SMARCA2: variants seen among roughly 807,000 people sequenced by gnomAD.
SMARCA2 encodes SWI/SNF-related matrix-associated actin-dependent regulator of chromatin subfamily A member 2.
A neutral mutation model predicts 199.8 loss-of-function variants in SMARCA2; 61 were observed. The ratio of observed to expected loss-of-function variants is 0.31; its 90% confidence interval spans 0.25 to 0.38. The LOEUF is 0.38. SMARCA2 is among the 10% of genes least tolerant of loss of function. SMARCA2 has a pLI of 1.00. For synonymous variants in SMARCA2, 935 were observed against 732.0 expected (o/e 1.28, Z -4.48); for missense variants, 1,344 against 2,012.2 (o/e 0.67, Z 6.35).
intron 33 of SMARCA2, chr9:2,192,438 C>T: frequency 2.2e-6 from 1 of 457,182 alleles, no homozygotes; most frequent in South Asian, 2.7e-5. Flanking sequence ...AAATATTAGC[C>T]ATAAACCTTT....
chr9:2,108,152 A>G (rs938165930), intron 23 of SMARCA2, among the ~76,000 whole-genome samples: 1 of 152,202 alleles, frequency 6.6e-6, no homozygotes, highest in East Asian at 1.9e-4. Context: ...TCAAAAGGCC[A>G]TCTCTTGGGC....
At chr9:2,074,453 A>G (rs1175093542) in intron 12 of SMARCA2, among the ~76,000 whole-genome samples, 3 of 152,204 alleles carry the variant, frequency 2.0e-5, no homozygotes, top group African/African-American at 4.8e-5. Flanking sequence ...TCTCAAGACT[A>G]TGGCTGTTTT....
In SMARCA2 at chr9:2,021,582, C is replaced by G. The variant is rs528080802; in HGVS notation, c.-37+6178C>G. Among the ~76,000 whole-genome samples, 34 of 152,304 alleles carry G rather than the reference C, an allele frequency of 2.2e-4. No individual in the cohort carries two copies. The East Asian group carries it at 4.8e-3, about 22-fold the overall frequency. ...AGGAAAGCCCTCTCCCATCTTCCCC[C>G]CTGTGCTTTGTTGAACTGGACATGT... On this transcript the variant is annotated intron_variant, in intron 1 of 33. Transcript: ENST00000349721.
intron 3 of SMARCA2, among the ~76,000 whole-genome samples, chr9:2,034,816 A>T (rs977709534): frequency 6.6e-6 from 1 of 152,192 alleles, no homozygotes; most frequent in Admixed American, 6.5e-5. Context: ...GGTGGCAGGC[A>T]GGCATAATTG....
chr9:2,179,670 G>C (rs1017070770), intron 29 of SMARCA2, among the ~76,000 whole-genome samples: 2 of 152,102 alleles, frequency 1.3e-5, no homozygotes, highest in African/African-American at 2.4e-5. Context: ...TATTTCACCA[G>C]TAGCACAGTT....
intron 19 of SMARCA2, among the ~76,000 whole-genome samples, chr9:2,088,964 G>C (rs55990408): frequency 6.7e-6 from 1 of 148,504 alleles, no homozygotes; most frequent in South Asian, 2.1e-4. Context: ...GTGAATGGAA[G>C]ATTTGGCGTT....
chr9:2,111,768 C>T (rs987650126), intron 24 of SMARCA2, among the ~76,000 whole-genome samples: 5 of 152,130 alleles, frequency 3.3e-5, no homozygotes, highest in African/African-American at 7.2e-5. Flanking sequence ...TTTTCTTATT[C>T]GGTGGAGCTA....
chr9:2,132,509 G>A (rs1824007839), intron 27 of SMARCA2, among the ~76,000 whole-genome samples: 1 of 152,282 alleles, frequency 6.6e-6, no homozygotes, highest in South Asian at 2.1e-4. Flanking sequence ...GTAATATTTG[G>A]CTGCATTTGT....
chr9:2,178,327 G>A (rs1675426598), intron 29 of SMARCA2, among the ~76,000 whole-genome samples: 1 of 152,162 alleles, frequency 6.6e-6, no homozygotes, highest in Non-Finnish European at 1.5e-5. Flanking sequence ...GCCTGAGGTA[G>A]ATCATTACGT....
At position 2,086,031 on chromosome 9, in the gene SMARCA2, G is replaced by A. The variant is rs1384106652; in HGVS notation, c.2527-798G>A. The stretch of plus-strand genomic sequence containing the variant: ...GGACGTTTTACGCAATCGTCATGTT[G>A]GGGAAGTATGCTGTATTTAATTCTG... On this transcript the variant is annotated intron_variant, in intron 17 of 33. Coordinates refer to ENST00000349721, the MANE Select transcript of SMARCA2 (RefSeq NM_003070.5). This position sits in a 1 kb window ranked among gnomAD's most constrained non-coding sequence, Gnocchi z 4.3. 1 of 152,260 alleles carries A rather than the reference G, an allele frequency of 6.6e-6. No individual in the cohort carries two copies. Among genetic ancestry groups the A allele is most frequent in the Non-Finnish European group, 1.5e-5 (1 of 68,082 alleles). 9.4% of individuals were successfully genotyped at this position (152,260 alleles called of 1,614,324 possible). A position where few individuals can be genotyped will look rare whatever the true frequency, so the allele number is the denominator to read the frequency against.
chr9:2,162,034 TTC>T (rs1416372999), intron 28 of SMARCA2, 131 bp downstream of exon 28: 4 of 661,542 alleles, frequency 6.0e-6, no homozygotes, highest in Non-Finnish European at 1.0e-5. Context: ...TTTTATGGCT[TTC>T]TCTCTTTGTA....
intron 29 of SMARCA2, among the ~76,000 whole-genome samples, chr9:2,177,637 C>G (rs1356341170): frequency 6.6e-6 from 1 of 152,108 alleles, no homozygotes; most frequent in Non-Finnish European, 1.5e-5. Context: ...ACCACAACCT[C>G]CGCCTCCTGG....
intron 1 of SMARCA2, among the ~76,000 whole-genome samples, chr9:2,018,542 T>A (rs1217012176): frequency 2.0e-5 from 3 of 152,380 alleles, no homozygotes; most frequent in Non-Finnish European, 4.4e-5. Flanking sequence ...GTTTGTTGAC[T>A]GCACTGAGCG....
At chr9:2,126,794 CTG>C (rs1380084360) in intron 27 of SMARCA2, among the ~76,000 whole-genome samples, 1 of 152,254 alleles carries the variant, frequency 6.6e-6, no homozygotes, top group Non-Finnish European at 1.5e-5. Flanking sequence ...TCTGCAATCT[CTG>C]TGCCAGGAGG....
Position 2,060,866 on chromosome 9 carries a change from G to A in SMARCA2, c.1572G>A (p.Arg524=). 1 of 1,614,112 alleles carries A rather than the reference G, an allele frequency of 6.2e-7. No homozygotes were observed. Among genetic ancestry groups the A allele is most frequent in the African/African-American group, 1.3e-5 (1 of 75,060 alleles). Reference sequence around the variant, plus strand: ...AACTGATTGATCAAAAGAAAGACAGGCGTTTAGCTTACCTTTTGCAGCAGA... The same window carrying A: ...AACTGATTGATCAAAAGAAAGACAGACGTTTAGCTTACCTTTTGCAGCAGA... ...YRKLIDQKKD[R]RLAYLLQQTD... The change falls in exon 9 of 34, where the codon AGG becomes AGA. Residue 524 remains arginine, a synonymous_variant. Transcript: ENST00000349721.
chr9:2,084,273 T>C (rs1821699402), intron 17 of SMARCA2, 77 bp downstream of exon 17: 2 of 725,052 alleles, frequency 2.8e-6, no homozygotes, highest in Non-Finnish European at 4.7e-6. Flanking sequence ...AAGTCAGTAG[T>C]GTAATTGGAT....
chr9:2,026,078 C>T (rs576822927), intron 1 of SMARCA2, among the ~76,000 whole-genome samples: 55 of 152,270 alleles, frequency 3.6e-4, no homozygotes, highest in Non-Finnish European at 7.2e-4. Context: ...GGACCCCAGA[C>T]GAAAGGCACT....
chr9:2,109,761 T>C (rs1822913064), intron 23 of SMARCA2, among the ~76,000 whole-genome samples: 1 of 152,228 alleles, frequency 6.6e-6, no homozygotes. Flanking sequence ...GTAATCCAAA[T>C]GGTAAAGTAG....
chr9:2,044,270 G>A (rs1346688137), intron 4 of SMARCA2: 1 of 152,260 alleles, frequency 6.6e-6, no homozygotes, highest in Non-Finnish European at 1.5e-5. Context: ...AAATGAACTT[G>A]TGGTGTTTAG....
Sources: gnomAD v4.1 joint callset for allele counts (sites outside exome capture counted in the v4.1 genomes callset) on GRCh38, gnomAD v4.1.1 for gene constraint, Gnocchi (gnomAD v3.1) non-coding constraint, MANE v1.5 for transcripts, NCBI Gene and HGNC (gene_info 2026-07-23, HGNC 2026-07-21) for gene names.